The following KIAA0825 variants were observed in gnomAD, a reference collection of about 807,000 sequenced individuals.
KIAA0825 encodes uncharacterized protein KIAA0825.
In KIAA0825, 119 loss-of-function variants were observed where a neutral mutation model predicts 147.6. The observed-to-expected ratio is 0.81, with a 90% confidence interval of 0.69 to 0.94. KIAA0825 has a LOEUF of 0.94. Ranked by LOEUF, KIAA0825 falls within the 40% of genes least tolerant of loss-of-function variation. The probability of loss-of-function intolerance (pLI) is 0.00; values close to 1 mark genes in which losing one functional copy is unlikely to be tolerated. For missense variants in KIAA0825, 1,381 were observed against 1,472.7 expected (o/e 0.94, Z 1.02); for synonymous variants, 470 against 518.1 (o/e 0.91, Z 1.26).
intron 20 of KIAA0825, among the ~76,000 whole-genome samples, chr5:94,184,397 A>G (rs1769934045): frequency 6.6e-6 from 1 of 152,154 alleles, no homozygotes; most frequent in Admixed American, 6.5e-5. Flanking sequence ...TTCTTTTGCC[A>G]TTTTCATACA....
At chr5:94,399,032 C>G (rs1343873330) in intron 16 of KIAA0825, among the ~76,000 whole-genome samples, 5 of 152,116 alleles carry the variant, frequency 3.3e-5, no homozygotes, top group African/African-American at 1.2e-4. Context: ...TTTGTAAAAA[C>G]TAGATCCAAC....
chr5:94,300,617 A>C (rs1453239395), intron 20 of KIAA0825, among the ~76,000 whole-genome samples: 1 of 152,206 alleles, frequency 6.6e-6, no homozygotes, highest in African/African-American at 2.4e-5. Flanking sequence ...TTATAAAAAA[A>C]CTTCCAAAAT....
At chr5:94,403,414 T>C (rs1397376735) in intron 16 of KIAA0825, among the ~76,000 whole-genome samples, 155 bp downstream of exon 16, 1 of 152,188 alleles carries the variant, frequency 6.6e-6, no homozygotes, top group Non-Finnish European at 1.5e-5. Flanking sequence ...ATGTGGTTCA[T>C]AGTAAAAATA....
intron 3 of KIAA0825, among the ~76,000 whole-genome samples, chr5:94,531,788 C>T (rs1275039334): frequency 6.6e-6 from 1 of 152,142 alleles, no homozygotes; most frequent in Non-Finnish European, 1.5e-5. Context: ...GTTACAAAAA[C>T]GATTGCAAAC....
At chr5:94,510,101 A>G (rs1192224025) in intron 5 of KIAA0825, among the ~76,000 whole-genome samples, 1 of 152,200 alleles carries the variant, frequency 6.6e-6, no homozygotes, top group African/African-American at 2.4e-5. Context: ...TTCAGAATAG[A>G]TTATTGTCCA....
At chr5:94,452,807 G>T (rs1758585520) in intron 13 of KIAA0825, among the ~76,000 whole-genome samples, 152 bp downstream of exon 13, 1 of 152,132 alleles carries the variant, frequency 6.6e-6, no homozygotes, top group Admixed American at 6.5e-5. Flanking sequence ...TAAGAAAAGA[G>T]AAATAATACT....
intron 20 of KIAA0825, among the ~76,000 whole-genome samples, chr5:94,311,830 T>G (rs1413281811): frequency 6.6e-6 from 1 of 151,738 alleles, no homozygotes; most frequent in Non-Finnish European, 1.5e-5. Context: ...GATTTTGTTT[T>G]TATTTCTTTA....
At chr5:94,228,876 G>A (rs1388244539) in intron 20 of KIAA0825, among the ~76,000 whole-genome samples, 1 of 152,128 alleles carries the variant, frequency 6.6e-6, no homozygotes, top group Non-Finnish European at 1.5e-5. Flanking sequence ...ATATTTTTAT[G>A]GTTCTTTGTG....
intron 20 of KIAA0825, among the ~76,000 whole-genome samples, chr5:94,320,302 C>G (rs1780040355): frequency 1.3e-5 from 2 of 151,924 alleles, no homozygotes; most frequent in Admixed American, 1.3e-4. Context: ...GTATCCATTA[C>G]CTCTTGTATT....
In KIAA0825 at chr5:94,557,407, C is replaced by CT. The variant is rs77735800; in HGVS notation, c.-1-20281dup. Among the ~76,000 whole-genome samples the CT allele has an allele frequency of 8.2e-3, 1,139 of 138,892 alleles. 12 individuals carry two copies. Among genetic ancestry groups the CT allele is most frequent in the African/African-American group, 0.025 (953 of 37,976 alleles). The allele number at this position is 138,892 out of a possible 152,430, so 91.1% of individuals were successfully genotyped here. A position where few individuals can be genotyped will look rare whatever the true frequency, so the allele number is the denominator to read the frequency against. On this transcript the variant is annotated intron_variant, in intron 2 of 20. Transcript: ENST00000682413. ...GTGAGCCACCATGCAAGGCTCCTTT[C>CT]TTTTTTTTTTTTTTTTAAATCAATT...
chr5:94,321,918 T>A (rs1414142302), intron 20 of KIAA0825, among the ~76,000 whole-genome samples: 1 of 151,962 alleles, frequency 6.6e-6, no homozygotes, highest in Non-Finnish European at 1.5e-5. Flanking sequence ...TGACATAAAA[T>A]TTTATTTTAA....
intron 20 of KIAA0825, among the ~76,000 whole-genome samples, chr5:94,321,890 T>G (rs1247199045): frequency 1.3e-5 from 2 of 152,058 alleles, no homozygotes; most frequent in East Asian, 3.9e-4. Flanking sequence ...TCATAGAAAA[T>G]TAAATTACAA....
At chr5:94,349,685 C>T (rs993131017) in intron 20 of KIAA0825, among the ~76,000 whole-genome samples, 1 of 152,148 alleles carries the variant, frequency 6.6e-6, no homozygotes, top group Non-Finnish European at 1.5e-5. Context: ...TGAATGAGCA[C>T]TGGGTCAAAA....
At chr5:94,542,899 G>T (rs1773620990) in intron 2 of KIAA0825, among the ~76,000 whole-genome samples, 1 of 152,192 alleles carries the variant, frequency 6.6e-6, no homozygotes, top group South Asian at 2.1e-4. Context: ...CCAAGGCTTT[G>T]ACTGGAATGG....
chr5:94,608,910 A>G (rs1252565156), intron 1 of KIAA0825, among the ~76,000 whole-genome samples: 1 of 152,122 alleles, frequency 6.6e-6, no homozygotes, highest in Non-Finnish European at 1.5e-5. Flanking sequence ...AAGATTTGGA[A>G]AATCAGCATA....
intron 20 of KIAA0825, among the ~76,000 whole-genome samples, chr5:94,160,957 T>A (rs1307835144): frequency 6.6e-6 from 1 of 152,138 alleles, no homozygotes; most frequent in Non-Finnish European, 1.5e-5. Context: ...TCAGGATCAG[T>A]CCTAGACCAT....
chr5:94,242,153 G>A (rs979333511), intron 20 of KIAA0825, among the ~76,000 whole-genome samples: 4 of 152,234 alleles, frequency 2.6e-5, no homozygotes, highest in African/African-American at 9.6e-5. Context: ...AATTCCAGAT[G>A]TTGTTTCCCA....
At position 94,469,971 on chromosome 5, in the gene KIAA0825, G is replaced by A; in HGVS notation, c.1862C>T (p.Ala621Val). Residue 621 changes from alanine (A) to valine (V), a missense_variant, in exon 10 of 21, where the codon GCT (alanine) becomes GTT (valine). Transcript: ENST00000682413. The part of the protein sequence containing the change: ...AESHHWDDYK[A>V]FYEGERCSFS... ...AACTTAACTTCACACCTCATAAAAA[G>A]CTTTGTAGTCATCCCAGTGGTGGCT... 2 of 1,550,704 alleles carry A rather than the reference G, an allele frequency of 1.3e-6. No homozygotes were observed. Among genetic ancestry groups the A allele is most frequent in the Non-Finnish European group, 8.7e-7 (1 of 1,146,406 alleles).
chr5:94,519,687 T>G, intron 5 of KIAA0825: 2 of 716,560 alleles, frequency 2.8e-6, no homozygotes, highest in Non-Finnish European at 3.4e-6. Context: ...ATTATTAGAA[T>G]TGACTGACTA....
Sources: allele counts gnomAD v4.1 joint callset (sites outside exome capture counted in the v4.1 genomes callset), GRCh38; gene constraint gnomAD v4.1.1; transcripts MANE v1.5; gene names NCBI Gene and HGNC (gene_info 2026-07-23, HGNC 2026-07-21).